The following MDH1 variants were observed in gnomAD, a reference collection of about 807,000 sequenced individuals.
The protein encoded by MDH1 is malate dehydrogenase, cytoplasmic.
In MDH1, 15 loss-of-function variants were observed where a neutral mutation model predicts 38.7. The ratio of observed to expected loss-of-function variants is 0.39; its 90% CI spans 0.26 to 0.60. MDH1 has a LOEUF of 0.60. MDH1 is among the 20% of genes least tolerant of loss of function. MDH1 has a pLI of 0.56. For missense variants in MDH1, 368 were observed against 405.2 expected (o/e 0.91, Z 0.79); for synonymous variants, 144 against 143.6 (o/e 1.00, Z -0.02).
chr2:63,595,285 ACCT>A (rs1709285541), intron 2 of MDH1, 135 bp from the exon 3 acceptor site: 1 of 695,180 alleles, frequency 1.4e-6, no homozygotes, highest in East Asian at 2.7e-5. Context: ...TAGATACCTG[ACCT>A]CCTAAAATAA....
At chr2:63,598,688 A>G (rs1007425344) in intron 4 of MDH1, among the ~76,000 whole-genome samples, 3 of 152,194 alleles carry the variant, frequency 2.0e-5, no homozygotes, top group African/African-American at 7.2e-5. Flanking sequence ...AGAAAATAGT[A>G]TAAATGAGTT....
In MDH1 at chr2:63,595,116, T is replaced by C. The variant is rs1325931784; in HGVS notation, c.103-307T>C. 1.0e-5 allele frequency: 4 copies of C among 400,480 alleles called. No homozygotes were observed. In the East Asian group the frequency reaches 2.4e-4, roughly 24 times the overall value. 24.8% of individuals were successfully genotyped at this position (400,480 alleles called of 1,614,324 possible). The stretch of plus-strand genomic sequence containing the variant: ...GCTTTCCATGAACTGAAATCAAATA[T>C]ACAGCTATTAACAATAAGAGCAAGC... On this transcript the variant is annotated intron_variant, in intron 2 of 8. Transcript: ENST00000233114.
At chr2:63,595,206 TCTCA>T (rs1709282921) in intron 2 of MDH1, among the ~76,000 whole-genome samples, 2 of 152,222 alleles carry the variant, frequency 1.3e-5, no homozygotes, top group South Asian at 4.1e-4. Context: ...TGGTGATTCC[TCTCA>T]CTGTGTCTGT....
Position 63,604,883 on chromosome 2 carries a change from T to G in MDH1, c.675+11T>G. ...GGAGAATTTGTCACGGTAAGAAAAA[T>G]CTGTGAGCCTTCTTAACACTGAGCG... On this transcript the variant is annotated intron_variant, in intron 6 of 8. Coordinates refer to ENST00000233114, the MANE Select transcript of MDH1 (RefSeq NM_005917.4). 6.2e-7 allele frequency: 1 copy of G among 1,613,610 alleles called. No individual in the cohort carries two copies. The highest frequency in any genetic ancestry group is 1.1e-5 in the South Asian group (1 of 91,028).
intron 6 of MDH1, 111 bp downstream of exon 6, chr2:63,604,983 G>T: frequency 9.5e-7 from 1 of 1,053,128 alleles, no homozygotes. Context: ...TCTGATGACT[G>T]CATACTTTCG....
At chr2:63,593,571 A>T in intron 1 of MDH1, 1 of 471,524 alleles carries the variant, frequency 2.1e-6, no homozygotes. Context: ...AACTTTAAGT[A>T]AAAAGAAACC....
At position 63,589,043 on chromosome 2, in the gene MDH1, C is replaced by T. The variant is rs572354778; in HGVS notation, c.-1C>T. ...TGAAATTGTCCCCGCAGTTTTCAAT[C>T]ATGGTGAGTGTGGGCCCCGGGTTCC... On this transcript the variant is annotated 5_prime_UTR_variant, in exon 1 of 9. Transcript: ENST00000233114. 6.1e-5 allele frequency: 99 copies of T among 1,614,230 alleles called. No individual in the cohort carries two copies. The Middle Eastern group carries it at 1.3e-3, about 22-fold the overall frequency.
At chr2:63,600,826 TG>T (rs1709405016) in intron 5 of MDH1, among the ~76,000 whole-genome samples, 1 of 152,182 alleles carries the variant, frequency 6.6e-6, no homozygotes, top group Admixed American at 6.5e-5. Flanking sequence ...GTGGGACAGT[TG>T]TAAAGGAAGA....
At chr2:63,593,805 T>C (rs778468672) in intron 1 of MDH1, among the ~76,000 whole-genome samples, 6 of 152,204 alleles carry the variant, frequency 3.9e-5, no homozygotes, top group Non-Finnish European at 8.8e-5. Flanking sequence ...CAGCTTAGTC[T>C]TTTTTTACTC....
intron 1 of MDH1, among the ~76,000 whole-genome samples, chr2:63,591,742 C>T (rs1457051906): frequency 6.6e-6 from 1 of 152,132 alleles, no homozygotes; most frequent in African/African-American, 2.4e-5. Flanking sequence ...CGCTTCATGG[C>T]CTAATACAGA....
chr2:63,599,228 C>T lies in MDH1; in HGVS notation c.434C>T (p.Pro145Leu). The change falls in exon 5 of 9, where the codon CCA becomes CTA. Residue 145 changes from proline to leucine, a missense_variant. By Grantham distance (98) the Pro-to-Leu change is moderately conservative. Coordinates refer to ENST00000233114, the MANE Select transcript of MDH1 (RefSeq NM_005917.4). The part of the protein sequence containing the change: ...TNCLTASKSA[P>L]SIPKENFSCL... ...TGCCTGACTGCTTCCAAGTCAGCTC[C>T]ATCCATCCCCAAGGAGAACTTCAGT... The T allele has an allele frequency of 1.9e-6, 3 of 1,613,742 alleles. No individual in the cohort carries two copies. The highest frequency in any genetic ancestry group is 2.5e-6 in the Non-Finnish European group (3 of 1,179,734).
At chr2:63,594,024 A>G (rs1290316421) in intron 1 of MDH1, among the ~76,000 whole-genome samples, 1 of 152,200 alleles carries the variant, frequency 6.6e-6, no homozygotes, top group Non-Finnish European at 1.5e-5. Context: ...ACAAAGTTGA[A>G]GCACGATTAA....
intron 2 of MDH1, chr2:63,595,086 A>G (rs1249542760): frequency 8.2e-6 from 3 of 367,816 alleles, no homozygotes; most frequent in African/African-American, 4.2e-5. Flanking sequence ...CAGATACTGT[A>G]CTTAGCTTTC....
At chr2:63,593,505 T>A (rs912454787) in intron 1 of MDH1, 9 of 469,092 alleles carry the variant, frequency 1.9e-5, no homozygotes, top group Non-Finnish European at 3.1e-5. Context: ...AAAGAAGCCT[T>A]CGAGGCTATC....
At chr2:63,595,542 G>T (rs1709294496) in intron 3 of MDH1, 23 bp downstream of exon 3, 2 of 1,387,888 alleles carry the variant, frequency 1.4e-6, no homozygotes, top group Non-Finnish European at 2.1e-6. Context: ...GTAGAGAAGG[G>T]ATTTTATGGT....
chr2:63,599,239 A>C lies in MDH1; in HGVS notation c.445A>C (p.Lys149Gln). ...TASKSAPSIPKENFSCLTRLD... is the reference protein window; with the variant it reads ...TASKSAPSIPQENFSCLTRLD... ...TTCCAAGTCAGCTCCATCCATCCCC[A>C]AGGAGAACTTCAGTTGCTTGACTCG... The change falls in exon 5 of 9, where the codon AAG (lysine) becomes CAG (glutamine). Residue 149 changes from lysine (K) to glutamine (Q), a missense_variant. Coordinates refer to ENST00000233114, the MANE Select transcript of MDH1 (RefSeq NM_005917.4). The C allele has an allele frequency of 6.2e-7, 1 of 1,613,714 alleles. No homozygotes were observed. Among genetic ancestry groups the C allele is most frequent in the Non-Finnish European group, 8.5e-7 (1 of 1,179,716 alleles).
intron 5 of MDH1, among the ~76,000 whole-genome samples, chr2:63,602,998 C>T (rs946723031): frequency 1.1e-4 from 14 of 122,878 alleles, no homozygotes; most frequent in Non-Finnish European, 2.0e-4. Flanking sequence ...CTCGCCCTGT[C>T]GCCTAGGCTG....
At chr2:63,599,409 C>T (rs1368035938) in intron 5 of MDH1, 117 bp downstream of exon 5, 1 of 997,938 alleles carries the variant, frequency 1.0e-6, no homozygotes, top group African/African-American at 1.7e-5. Flanking sequence ...TAGTAGGAAC[C>T]TATTACTTTT....
intron 1 of MDH1, chr2:63,593,633 G>T (rs1253253711): frequency 2.1e-6 from 1 of 471,558 alleles, no homozygotes. Context: ...ATGCAGGTAG[G>T]GGTAAAGGTG....
Sources: allele counts gnomAD v4.1 joint callset (sites outside exome capture counted in the v4.1 genomes callset), GRCh38; gene constraint gnomAD v4.1.1; transcripts MANE v1.5; gene names NCBI Gene and HGNC (gene_info 2026-07-23, HGNC 2026-07-21).